The following MAP3K20 variants were observed in gnomAD, a reference collection of about 807,000 sequenced individuals.
MAP3K20 encodes HCCS-4.
Under a neutral mutation model 85.7 loss-of-function variants are expected in MAP3K20, and 40 were observed. The ratio of observed to expected loss-of-function variants is 0.47; its 90% confidence interval spans 0.36 to 0.61. The LOEUF (loss-of-function observed/expected upper bound fraction) is 0.61, where lower values mean the gene tolerates loss of function less well. MAP3K20 is among the 20% of genes least tolerant of loss of function. The pLI is 0.00. For missense variants in MAP3K20, 817 were observed against 961.7 expected (o/e 0.85, Z 1.99); for synonymous variants, 325 against 327.7 (o/e 0.99, Z 0.09).
chr2:173,107,859 C>T (rs1441878825), intron 2 of MAP3K20, among the ~76,000 whole-genome samples: 4 of 152,114 alleles, frequency 2.6e-5, no homozygotes, highest in Non-Finnish European at 5.9e-5. Context: ...TTACCTGTGG[C>T]GGTTAGGGCT....
chr2:173,252,946 T>C (rs909613589), intron 16 of MAP3K20, among the ~76,000 whole-genome samples: 1 of 152,236 alleles, frequency 6.6e-6, no homozygotes, highest in Non-Finnish European at 1.5e-5. Flanking sequence ...TGTAAGAAGA[T>C]ACGAATTTAT....
At chr2:173,258,202 T>C (rs1685203159) in intron 16 of MAP3K20, among the ~76,000 whole-genome samples, 1 of 152,130 alleles carries the variant, frequency 6.6e-6, no homozygotes, top group Admixed American at 6.5e-5. Flanking sequence ...TTTTCTTTCG[T>C]ATTAAGAGGA....
At chr2:173,248,474 AT>A (rs560304685) in intron 16 of MAP3K20, among the ~76,000 whole-genome samples, 68 of 152,382 alleles carry the variant, frequency 4.5e-4, no homozygotes, top group Non-Finnish European at 7.1e-4. Context: ...GCAGTTCAGA[AT>A]TTTACAACTG....
intron 1 of MAP3K20, among the ~76,000 whole-genome samples, chr2:173,079,128 A>G (rs1382289844): frequency 6.6e-6 from 1 of 152,222 alleles, no homozygotes; most frequent in African/African-American, 2.4e-5. Flanking sequence ...ATAGCCTACT[A>G]CACACCTAGG....
chr2:173,200,126 C>T (rs1317840295), intron 8 of MAP3K20, among the ~76,000 whole-genome samples: 3 of 152,112 alleles, frequency 2.0e-5, no homozygotes, highest in Non-Finnish European at 2.9e-5. Context: ...TTCTAATGAA[C>T]TTCAGTAAAA....
intron 2 of MAP3K20, among the ~76,000 whole-genome samples, chr2:173,110,939 G>T (rs1044404952): frequency 2.6e-5 from 4 of 152,196 alleles, no homozygotes. Context: ...CCTTTGGGTA[G>T]ATTCCCAGTA....
intron 1 of MAP3K20, 96 bp downstream of exon 1, chr2:173,076,098 G>C (rs934953006): frequency 1.0e-5 from 9 of 902,128 alleles, no homozygotes; most frequent in Non-Finnish European, 1.2e-5. Context: ...CCGAGGCTCC[G>C]CCGGAGCCCG....
chr2:173,083,753 A>G (rs907935155), intron 1 of MAP3K20, among the ~76,000 whole-genome samples: 4 of 152,338 alleles, frequency 2.6e-5, no homozygotes, highest in South Asian at 2.1e-4. Flanking sequence ...TCACTGATCT[A>G]TGTTAAAGAG....
At chr2:173,112,318 A>G (rs920491852) in intron 2 of MAP3K20, among the ~76,000 whole-genome samples, 2 of 152,088 alleles carry the variant, frequency 1.3e-5, no homozygotes, top group Admixed American at 1.3e-4. Flanking sequence ...AGGAGTCCTT[A>G]GGGTTTTCAA....
In MAP3K20 at chr2:173,145,745, A is replaced by G. The variant is rs149088793; in HGVS notation, c.160-24060A>G. Among the ~76,000 whole-genome samples the G allele has an allele frequency of 6.6e-3, 1,002 of 152,278 alleles. 8 individuals carry two copies. Among genetic ancestry groups the G allele is most frequent in the African/African-American group, 0.023 (953 of 41,562 alleles). ...TAAACACCTACCCTATGAGTCATCA[A>G]TTCAACTTATAGGTGTTTACCCAAT... On this transcript the variant is annotated intron_variant, in intron 2 of 19. Transcript: ENST00000375213.
At chr2:173,210,958 G>T (rs944361962) in intron 10 of MAP3K20, 6 of 152,100 alleles carry the variant, frequency 3.9e-5, no homozygotes, top group African/African-American at 1.4e-4. Flanking sequence ...TTTATTTAGG[G>T]ATACAAAAAT....
intron 11 of MAP3K20, among the ~76,000 whole-genome samples, chr2:173,220,145 T>C (rs796373146): frequency 6.6e-6 from 1 of 152,206 alleles, no homozygotes; most frequent in African/African-American, 2.4e-5. Context: ...TTGTACATTA[T>C]TTATCATAAA....
intron 2 of MAP3K20, among the ~76,000 whole-genome samples, chr2:173,153,207 GGAGAAGTT>G (rs535768430): frequency 1.1e-3 from 168 of 152,282 alleles, no homozygotes; most frequent in Non-Finnish European, 1.5e-3. Context: ...CCACCTTACT[GGAGAAGTT>G]GTTACGCCTC....
At chr2:173,087,854 T>C (rs1216052030) in intron 1 of MAP3K20, among the ~76,000 whole-genome samples, 2 of 7,786 alleles carry the variant, frequency 2.6e-4, no homozygotes, top group African/African-American at 1.1e-3. Flanking sequence ...GGGAGATATG[T>C]GTGTCATCAA....
intron 2 of MAP3K20, among the ~76,000 whole-genome samples, chr2:173,110,991 T>C (rs534359773): frequency 6.6e-6 from 1 of 152,232 alleles, no homozygotes; most frequent in Non-Finnish European, 1.5e-5. Context: ...TTTTAGTTCT[T>C]TAAGGAATCT....
chr2:173,239,526 A>G (rs1421517746), intron 16 of MAP3K20, 30 bp downstream of exon 16: 5 of 1,594,220 alleles, frequency 3.1e-6, no homozygotes, highest in African/African-American at 2.7e-5. Flanking sequence ...CTTTGGATAA[A>G]TCTCAATCGA....
At chr2:173,094,745 G>A (rs1687411180) in intron 2 of MAP3K20, among the ~76,000 whole-genome samples, 1 of 152,148 alleles carries the variant, frequency 6.6e-6, no homozygotes, top group Non-Finnish European at 1.5e-5. Flanking sequence ...TGTCCTTGGT[G>A]TGTCTTAATG....
At chr2:173,261,975 C>T (rs1319297747) in intron 18 of MAP3K20, among the ~76,000 whole-genome samples, 3 of 151,730 alleles carry the variant, frequency 2.0e-5, no homozygotes, top group African/African-American at 7.3e-5. Context: ...CGAGATCACA[C>T]CACTGCACTC....
chr2:173,108,573 G>T (rs533121496), intron 2 of MAP3K20, among the ~76,000 whole-genome samples: 1 of 152,100 alleles, frequency 6.6e-6, no homozygotes, highest in African/African-American at 2.4e-5. Flanking sequence ...TGGAGGTATT[G>T]TTCCATGTAT....
Sources: gnomAD v4.1 joint callset for allele counts (sites outside exome capture counted in the v4.1 genomes callset) on GRCh38, gnomAD v4.1.1 for gene constraint, MANE v1.5 for transcripts, NCBI Gene and HGNC (gene_info 2026-07-23, HGNC 2026-07-21) for gene names.